The following NAV2 variants were observed in gnomAD, a reference collection of about 807,000 sequenced individuals.
NAV2 encodes the protein neuron navigator 2.
A neutral mutation model predicts 223.2 loss-of-function variants in NAV2; 54 were observed. The observed-to-expected ratio is 0.24, with a 90% CI of 0.19 to 0.30. The LOEUF is 0.30. Ranked by LOEUF, NAV2 falls within the 10% of genes least tolerant of loss-of-function variation. The pLI, the probability that NAV2 is intolerant of heterozygous loss-of-function variation, is 1.00. For missense variants in NAV2, 2,806 were observed against 3,147.5 expected, an observed-to-expected ratio of 0.89 and a Z score of 2.60; for synonymous variants, 1,279 against 1,239.3, an observed-to-expected ratio of 1.03 and a Z score of -0.67.
At chr11:19,669,287 A>G (rs1286732911) in intron 1 of NAV2, among the ~76,000 whole-genome samples, 3 of 152,162 alleles carry the variant, frequency 2.0e-5, no homozygotes, top group Non-Finnish European at 4.4e-5. Flanking sequence ...CATCTACTCC[A>G]TTTCATCTCA....
intron 1 of NAV2, among the ~76,000 whole-genome samples, chr11:19,811,216 T>C (rs191614475): frequency 1.2e-4 from 18 of 152,076 alleles, no homozygotes; most frequent in Admixed American, 9.2e-4. Context: ...TGTTGTGGAG[T>C]TCCTGCTGGT....
intron 10 of NAV2, among the ~76,000 whole-genome samples, chr11:19,975,841 G>T (rs1331359479): frequency 6.6e-6 from 1 of 152,160 alleles, no homozygotes; most frequent in Non-Finnish European, 1.5e-5. Context: ...GTGGGGCCTC[G>T]AGGTCTGTGA....
intron 11 of NAV2, among the ~76,000 whole-genome samples, chr11:20,001,820 A>G (rs781279665): frequency 1.1e-4 from 16 of 152,004 alleles, no homozygotes; most frequent in Non-Finnish European, 1.9e-4. Flanking sequence ...AAACCTGCAC[A>G]TTGTGCACAT....
intron 20 of NAV2, among the ~76,000 whole-genome samples, chr11:20,065,830 G>T (rs142046134): frequency 6.6e-6 from 1 of 152,344 alleles, no homozygotes; most frequent in African/African-American, 2.4e-5. Context: ...ATGTTAGATA[G>T]TGGTTACATT....
intron 1 of NAV2, among the ~76,000 whole-genome samples, chr11:19,808,555 A>T (rs1343592631): frequency 6.6e-6 from 1 of 152,190 alleles, no homozygotes; most frequent in East Asian, 1.9e-4. Flanking sequence ...AAAAGAAGAG[A>T]TGTGAGTTTG....
At chr11:19,521,814 A>G (rs2043666482) in intron 1 of NAV2, among the ~76,000 whole-genome samples, 1 of 152,204 alleles carries the variant, frequency 6.6e-6, no homozygotes, top group African/African-American at 2.4e-5. Flanking sequence ...ATGCAAACCC[A>G]GGACTGTCCC....
chr11:19,512,328 A>G (rs552477360), intron 1 of NAV2, among the ~76,000 whole-genome samples: 4 of 152,340 alleles, frequency 2.6e-5, no homozygotes, highest in Admixed American at 2.6e-4. Context: ...GATTCTGGGT[A>G]CAGAGGCTAG....
chr11:19,664,375 G>A (rs1003082775), intron 1 of NAV2, among the ~76,000 whole-genome samples: 2 of 152,170 alleles, frequency 1.3e-5, no homozygotes, highest in African/African-American at 4.8e-5. Flanking sequence ...AGATTTGCCA[G>A]TTTCCTAGTC....
intron 1 of NAV2, among the ~76,000 whole-genome samples, chr11:19,596,253 G>A (rs879811157): frequency 5.3e-5 from 8 of 152,150 alleles, no homozygotes; most frequent in Admixed American, 1.3e-4. Context: ...CCTATGAGCT[G>A]CTACCTTCTA....
At chr11:20,030,829 AAT>A (rs1163183224) in intron 11 of NAV2, among the ~76,000 whole-genome samples, 1 of 152,258 alleles carries the variant, frequency 6.6e-6, no homozygotes, top group Non-Finnish European at 1.5e-5. Flanking sequence ...GTAAAAAATC[AAT>A]AGTCATTTAA....
intron 10 of NAV2, among the ~76,000 whole-genome samples, chr11:19,956,887 C>T (rs1384728270): frequency 1.3e-5 from 2 of 152,168 alleles, no homozygotes; most frequent in African/African-American, 2.4e-5. Context: ...GCTCTAATCC[C>T]ATGGTTGGTT....
At chr11:19,719,604 G>A (rs1180586184) in intron 1 of NAV2, among the ~76,000 whole-genome samples, 1 of 152,180 alleles carries the variant, frequency 6.6e-6, no homozygotes, top group Non-Finnish European at 1.5e-5. Flanking sequence ...CCTAAGGTCA[G>A]ATCCAAGTTT....
chr11:19,679,034 G>A (rs1053748183), intron 1 of NAV2, among the ~76,000 whole-genome samples: 2 of 152,188 alleles, frequency 1.3e-5, no homozygotes, highest in South Asian at 4.1e-4. Flanking sequence ...AAATTACAAA[G>A]CGGTCAGATT....
intron 1 of NAV2, among the ~76,000 whole-genome samples, chr11:19,500,441 A>G (rs1275258954): frequency 6.6e-6 from 1 of 152,216 alleles, no homozygotes; most frequent in Non-Finnish European, 1.5e-5. Flanking sequence ...TAAAAAGCTG[A>G]TACACCCATT....
upstream of NAV2, among the ~76,000 whole-genome samples, chr11:19,345,790 T>C (rs933201264): frequency 5.3e-5 from 8 of 152,234 alleles, no homozygotes; most frequent in African/African-American, 1.7e-4. This position sits in a 1 kb window ranked among gnomAD's most constrained non-coding sequence, Gnocchi z 5.2. Flanking sequence ...TGTGTCCCTC[T>C]GGGCGTACGT....
chr11:19,943,773 T>G (rs1337805236), intron 8 of NAV2, among the ~76,000 whole-genome samples: 1 of 152,158 alleles, frequency 6.6e-6, no homozygotes, highest in Non-Finnish European at 1.5e-5. Flanking sequence ...CCTAGGCTTT[T>G]AAAGACCCAT....
At chr11:19,865,521 G>A (rs141364269) in intron 3 of NAV2, among the ~76,000 whole-genome samples, 1 of 152,280 alleles carries the variant, frequency 6.6e-6, no homozygotes, top group East Asian at 1.9e-4. Context: ...TTCCTGGGGT[G>A]CAGATGAAAG....
chr11:19,616,385 T>C (rs1351319321), intron 1 of NAV2, among the ~76,000 whole-genome samples: 3 of 151,940 alleles, frequency 2.0e-5, no homozygotes, highest in Non-Finnish European at 4.4e-5. Flanking sequence ...TATGTGTGTG[T>C]ATTGCAGCCT....
At position 20,120,726 on chromosome 11, in the gene NAV2, G is replaced by A. The variant is rs1183486163; in HGVS notation, c.*2468G>A. 2 of 152,448 alleles carry A rather than the reference G, an allele frequency of 1.3e-5. No individual in the cohort carries two copies. Among genetic ancestry groups the A allele is most frequent in the Admixed American group, 1.3e-4 (2 of 15,286 alleles). 9.4% of individuals were successfully genotyped at this position (152,448 alleles called of 1,614,324 possible). A position where few individuals can be genotyped will look rare whatever the true frequency, so the allele number is the denominator to read the frequency against. On this transcript the variant is annotated 3_prime_UTR_variant, in exon 38 of 38. Coordinates refer to ENST00000349880, the MANE Select transcript of NAV2 (RefSeq NM_145117.5). Reference sequence around the variant, plus strand: ...GATTGGTGAACATTGACTTCAAGTAGCATAGCCCTTGTGTGACTCACAACT... The same window carrying A: ...GATTGGTGAACATTGACTTCAAGTAACATAGCCCTTGTGTGACTCACAACT...
Sources: allele counts gnomAD v4.1 joint callset (sites outside exome capture counted in the v4.1 genomes callset), GRCh38; gene constraint gnomAD v4.1.1; non-coding constraint Gnocchi (gnomAD v3.1); transcripts MANE v1.5; gene names NCBI Gene and HGNC (gene_info 2026-07-23, HGNC 2026-07-21).